The following UBASH3B variants were observed in gnomAD, a reference collection of about 807,000 sequenced individuals.
The protein encoded by UBASH3B is ubiquitin-associated and SH3 domain-containing protein B.
Under a neutral mutation model 83.4 loss-of-function variants are expected in UBASH3B, and 37 were observed. The ratio of observed to expected loss-of-function variants is 0.44; its 90% confidence interval spans 0.34 to 0.58. The LOEUF (loss-of-function observed/expected upper bound fraction) is 0.58, where lower values mean the gene tolerates loss of function less well. Ranked by LOEUF, UBASH3B falls within the 20% of genes least tolerant of loss-of-function variation. The pLI, the probability that UBASH3B is intolerant of heterozygous loss-of-function variation, is 0.01. For synonymous variants in UBASH3B, 304 were observed against 318.3 expected, an observed-to-expected ratio of 0.96 and a Z score of 0.48; for missense variants, 657 against 827.2, an observed-to-expected ratio of 0.79 and a Z score of 2.52.
intron 1 of UBASH3B, among the ~76,000 whole-genome samples, chr11:122,674,611 G>C (rs1187972613): frequency 1.3e-5 from 2 of 151,590 alleles, no homozygotes; most frequent in African/African-American, 4.9e-5. Context: ...TTGATCTCCT[G>C]ACCTCGTGAT....
chr11:122,803,621 C>T (rs1861291944), intron 11 of UBASH3B, among the ~76,000 whole-genome samples: 1 of 152,102 alleles, frequency 6.6e-6, no homozygotes, highest in African/African-American at 2.4e-5. Context: ...TCCACACCAG[C>T]TGGGTGGGGC....
At chr11:122,700,310 G>C (rs1200334300) in intron 1 of UBASH3B, among the ~76,000 whole-genome samples, 1 of 152,096 alleles carries the variant, frequency 6.6e-6, no homozygotes, top group Non-Finnish European at 1.5e-5. Flanking sequence ...GCTCTGACCA[G>C]AGTTACACAT....
chr11:122,731,705 G>A (rs931876054), intron 1 of UBASH3B, among the ~76,000 whole-genome samples: 2 of 152,184 alleles, frequency 1.3e-5, no homozygotes, highest in Non-Finnish European at 2.9e-5. Flanking sequence ...GGAAACTTGT[G>A]AGTTGTTTAT....
intron 1 of UBASH3B, among the ~76,000 whole-genome samples, chr11:122,682,918 C>G (rs574396415): frequency 6.6e-6 from 1 of 152,226 alleles, no homozygotes; most frequent in African/African-American, 2.4e-5. Context: ...TCATCAATAC[C>G]ACCCACTTCC....
At chr11:122,717,092 CA>C (rs1207333067) in intron 1 of UBASH3B, among the ~76,000 whole-genome samples, 1 of 152,218 alleles carries the variant, frequency 6.6e-6, no homozygotes, top group Non-Finnish European at 1.5e-5. Flanking sequence ...AGCCCATTCT[CA>C]GGGGGTTCCC....
At chr11:122,667,572 A>T (rs900503023) in intron 1 of UBASH3B, among the ~76,000 whole-genome samples, 3 of 152,160 alleles carry the variant, frequency 2.0e-5, no homozygotes, top group Non-Finnish European at 4.4e-5. Flanking sequence ...TCAGTGTGGG[A>T]GGGTGAGGGT....
intron 1 of UBASH3B, among the ~76,000 whole-genome samples, chr11:122,728,256 C>T (rs1208433824): frequency 6.6e-6 from 1 of 151,532 alleles, no homozygotes; most frequent in African/African-American, 2.4e-5. Context: ...CACGTCATTT[C>T]TGTGGGCTTC....
chr11:122,750,711 A>G (rs1013961941), intron 1 of UBASH3B, among the ~76,000 whole-genome samples: 2 of 152,206 alleles, frequency 1.3e-5, no homozygotes, highest in African/African-American at 4.8e-5. Flanking sequence ...TAGTAAGCTC[A>G]GAGTGACGAT....
chr11:122,704,981 T>C (rs987229100), intron 1 of UBASH3B, among the ~76,000 whole-genome samples: 2 of 152,148 alleles, frequency 1.3e-5, no homozygotes, highest in African/African-American at 4.8e-5. Flanking sequence ...AAGGATTTGT[T>C]TTCAGGCTCT....
At chr11:122,713,496 T>C (rs879863425) in intron 1 of UBASH3B, among the ~76,000 whole-genome samples, 31 of 152,172 alleles carry the variant, frequency 2.0e-4, no homozygotes, top group Non-Finnish European at 3.1e-4. Flanking sequence ...ATAGAAGATA[T>C]ATTACAGCTT....
Position 122,655,906 on chromosome 11 carries a change from A to C in UBASH3B, c.-144A>C. On this transcript the variant is annotated 5_prime_UTR_variant, in exon 1 of 14. Coordinates refer to ENST00000284273, the MANE Select transcript of UBASH3B (RefSeq NM_032873.5). ...AGCGTCAGAGTCCCGACACTGGGGA[A>C]GCTCGGAGCGCCGCCTCCGCTGCCG... 1.1e-6 allele frequency: 1 copy of C among 877,228 alleles called. No homozygotes were observed. Among genetic ancestry groups the C allele is most frequent in the South Asian group, 2.0e-5 (1 of 49,142 alleles). The allele number at this position is 877,228 out of a possible 1,614,324, so 54.3% of individuals were successfully genotyped here. A position where few individuals can be genotyped will look rare whatever the true frequency, so the allele number is the denominator to read the frequency against.
At chr11:122,672,215 G>C (rs573335776) in intron 1 of UBASH3B, among the ~76,000 whole-genome samples, 20 of 152,018 alleles carry the variant, frequency 1.3e-4, no homozygotes, top group African/African-American at 3.9e-4. Flanking sequence ...GAAGAAGACA[G>C]ACCCAAGCAG....
intron 11 of UBASH3B, among the ~76,000 whole-genome samples, chr11:122,805,927 C>G (rs1469737445): frequency 6.6e-6 from 1 of 152,138 alleles, no homozygotes; most frequent in Non-Finnish European, 1.5e-5. Flanking sequence ...GGTCTGTGTT[C>G]AAAATAAGAG....
At chr11:122,809,231 C>T (rs183077752) in intron 13 of UBASH3B, among the ~76,000 whole-genome samples, 4 of 152,108 alleles carry the variant, frequency 2.6e-5, no homozygotes, top group African/African-American at 4.8e-5. Context: ...CATGCCACCA[C>T]GCCCAGCTAA....
At chr11:122,762,299 T>C (rs1861383286) in intron 1 of UBASH3B, among the ~76,000 whole-genome samples, 1 of 152,146 alleles carries the variant, frequency 6.6e-6, no homozygotes, top group South Asian at 2.1e-4. Flanking sequence ...CCTCCAGAGA[T>C]ATTCAGGTGG....
At position 122,699,503 on chromosome 11, in the gene UBASH3B, T is replaced by TTCTTTCTTTC. The variant is rs1366930250; in HGVS notation, c.161+43295_161+43304dup. Among the ~76,000 whole-genome samples the TTCTTTCTTTC allele has an allele frequency of 3.5e-4, 49 of 141,142 alleles. 1 individual carries two copies. Among genetic ancestry groups the TTCTTTCTTTC allele is most frequent in the African/African-American group, 1.2e-3 (43 of 35,220 alleles). The allele number at this position is 141,142 out of a possible 152,430, so 92.6% of individuals were successfully genotyped here. Reference sequence around the variant, plus strand: ...ATGACTGATTTTTCTTTTTAAATCTTTCTTTCTTTCTTTCTCTTTCTTTCT... The same window carrying TTCTTTCTTTC: ...ATGACTGATTTTTCTTTTTAAATCTTTCTTTCTTTCTCTTTCTTTCTTTCTCTTTCTTTCT... On this transcript the variant is annotated intron_variant, in intron 1 of 13. Transcript: ENST00000284273.
rs1861485280 is a variant in UBASH3B at position 122,813,518 on chromosome 11, C to T, written c.*3632C>T. The T allele has an allele frequency of 6.6e-6, 1 of 152,206 alleles. No homozygotes were observed. Among genetic ancestry groups the T allele is most frequent in the East Asian group, 1.9e-4 (1 of 5,200 alleles). 9.4% of individuals were successfully genotyped at this position (152,206 alleles called of 1,614,324 possible). A position where few individuals can be genotyped will look rare whatever the true frequency, so the allele number is the denominator to read the frequency against. On this transcript the variant is annotated 3_prime_UTR_variant, in exon 14 of 14. Transcript: ENST00000284273. ...ATGAACCTCCGTTTGATTTCACAGC[C>T]TTCAGCACAGGCAACTGTTACTGAG...
intron 1 of UBASH3B, among the ~76,000 whole-genome samples, chr11:122,673,890 G>A (rs1863632804): frequency 1.3e-5 from 2 of 152,136 alleles, no homozygotes. Context: ...GCTTACTGCT[G>A]GACTCCTGCC....
intron 1 of UBASH3B, among the ~76,000 whole-genome samples, chr11:122,678,974 C>A (rs1024127922): frequency 6.6e-6 from 1 of 152,162 alleles, no homozygotes; most frequent in African/African-American, 2.4e-5. Context: ...CAGGAATAAA[C>A]AAGGATGCCT....
Sources: allele counts gnomAD v4.1 joint callset (sites outside exome capture counted in the v4.1 genomes callset), GRCh38; gene constraint gnomAD v4.1.1; transcripts MANE v1.5; gene names NCBI Gene and HGNC (gene_info 2026-07-23, HGNC 2026-07-21).